The following LEMD1 variants were observed in gnomAD, a reference collection of about 807,000 sequenced individuals.
The protein encoded by LEMD1 is LEM domain containing 1.
LEMD1 carries 18 observed loss-of-function variants against 17.4 expected under a neutral mutation model. The ratio of observed to expected loss-of-function variants is 1.04; its 90% CI spans 0.72 to 1.54. The LOEUF (loss-of-function observed/expected upper bound fraction) is 1.54, where lower values mean the gene tolerates loss of function less well. Among genes scored for constraint, LEMD1 ranks in the 40% most tolerant of loss-of-function variants. LEMD1 has a pLI of 0.00. For synonymous variants in LEMD1, 88 were observed against 77.8 expected, an observed-to-expected ratio of 1.13 and a Z score of -0.69; for missense variants, 195 against 210.4, an observed-to-expected ratio of 0.93 and a Z score of 0.45.
chr1:205,430,786 C>T (rs967599189), intron 1 of LEMD1, among the ~76,000 whole-genome samples: 39 of 152,296 alleles, frequency 2.6e-4, no homozygotes, highest in African/African-American at 8.7e-4. Context: ...CTCCAGCCGC[C>T]CTCCCTCCGC....
chr1:205,448,515 G>T lies in LEMD1; in HGVS notation c.-39+1353C>A. The T allele has an allele frequency of 2.5e-6, 1 of 407,798 alleles. No homozygotes were observed. Among genetic ancestry groups the T allele is most frequent in the Non-Finnish European group, 4.9e-6 (1 of 204,290 alleles). The allele number at this position is 407,798 out of a possible 1,614,324, so 25.3% of individuals were successfully genotyped here. ...ACCCACCCACACTGCCTCCCTCCAG[G>T]ACTGGGCCCCCCAGGTTAAATTCTC... On this transcript the variant is annotated intron_variant, in intron 1 of 3. Transcript: ENST00000367154. The surrounding 1 kb of genome is among the most constrained non-coding windows in gnomAD (Gnocchi z 4.7).
At chr1:205,399,938 G>C (rs1237091169) in intron 4 of LEMD1, among the ~76,000 whole-genome samples, 2 of 152,232 alleles carry the variant, frequency 1.3e-5, no homozygotes, top group African/African-American at 4.8e-5. Context: ...AGCTGATTCA[G>C]GCAGAGTGCT....
chr1:205,434,215 G>C (rs770258548), intron 1 of LEMD1, among the ~76,000 whole-genome samples: 1 of 151,212 alleles, frequency 6.6e-6, no homozygotes, highest in Admixed American at 6.6e-5. Context: ...TTTTGAGACA[G>C]GGTCTTGCTC....
At chr1:205,432,759 A>G (rs1307385848) in intron 1 of LEMD1, among the ~76,000 whole-genome samples, 1 of 152,242 alleles carries the variant, frequency 6.6e-6, no homozygotes. Context: ...CTGTTATCCC[A>G]GCACTTTGGA....
chr1:205,381,638 T>C lies in LEMD1; in HGVS notation c.*20A>G. 1 of 1,611,062 alleles carries C rather than the reference T, an allele frequency of 6.2e-7. No homozygotes were observed. The highest frequency in any genetic ancestry group is 8.5e-7 in the Non-Finnish European group (1 of 1,177,140). On this transcript the variant is annotated 3_prime_UTR_variant, in exon 6 of 6. Coordinates refer to ENST00000367153, the MANE Select transcript of LEMD1 (RefSeq NM_001199050.2). ...GAAGCAGGAGGCCTCGCTTGGAGCA[T>C]TGCTTTGCTCCTAAATTACTTAACC...
intron 4 of LEMD1, among the ~76,000 whole-genome samples, chr1:205,389,830 C>A (rs142304337): frequency 6.6e-6 from 1 of 152,140 alleles, no homozygotes; most frequent in African/African-American, 2.4e-5. Flanking sequence ...CTCCAAATCC[C>A]TTTATTGACT....
At chr1:205,408,328 TACAC>T (rs34904075) in intron 4 of LEMD1, among the ~76,000 whole-genome samples, 10 of 148,840 alleles carry the variant, frequency 6.7e-5, no homozygotes, top group African/African-American at 1.7e-4. Flanking sequence ...AATGGTAGGG[TACAC>T]ACACACACAC....
chr1:205,417,351 T>A (rs935348826), intron 3 of LEMD1, among the ~76,000 whole-genome samples: 2 of 152,198 alleles, frequency 1.3e-5, no homozygotes, highest in African/African-American at 2.4e-5. Flanking sequence ...TGTAGAGGGC[T>A]ACATGCTGGG....
At chr1:205,427,760 G>A (rs967377600) in intron 1 of LEMD1, among the ~76,000 whole-genome samples, 9 of 152,306 alleles carry the variant, frequency 5.9e-5, no homozygotes, top group African/African-American at 2.2e-4. Context: ...GACAGAAAAA[G>A]TAGTAGCATG....
chr1:205,406,691 C>A (rs1001894689), intron 4 of LEMD1, among the ~76,000 whole-genome samples: 1 of 152,196 alleles, frequency 6.6e-6, no homozygotes, highest in East Asian at 1.9e-4. Context: ...TGCTTTGGCT[C>A]GCACATGGTG....
At chr1:205,409,766 G>A (rs1430403565) in intron 4 of LEMD1, among the ~76,000 whole-genome samples, 2 of 130,862 alleles carry the variant, frequency 1.5e-5, no homozygotes, top group South Asian at 2.3e-4. Context: ...ACTATGCCCA[G>A]TTAATTAATT....
rs541879712 is a variant in LEMD1, at chr1:205,393,003, G to A, written c.271-8639C>T. Reference sequence around the variant, plus strand: ...ACATGCTAATAGTCCCAGCTATTCAGGAGGCTGAGGCAGGTGGACTGCTTG... The same window carrying A: ...ACATGCTAATAGTCCCAGCTATTCAAGAGGCTGAGGCAGGTGGACTGCTTG... On this transcript the variant is annotated intron_variant, in intron 4 of 5. Transcript: ENST00000367153. Among the ~76,000 whole-genome samples, 23 of 152,298 alleles carry A rather than the reference G, an allele frequency of 1.5e-4. No individual in the cohort carries two copies. In the South Asian group the frequency reaches 4.6e-3, roughly 30 times the overall value.
At chr1:205,411,872 A>G (rs1334018196) in intron 4 of LEMD1, among the ~76,000 whole-genome samples, 2 of 152,132 alleles carry the variant, frequency 1.3e-5, no homozygotes, top group Non-Finnish European at 2.9e-5. Flanking sequence ...GGGAGAGGGT[A>G]AAGAAACACC....
chr1:205,425,646 T>C (rs180721190), upstream of LEMD1, among the ~76,000 whole-genome samples: 46 of 151,894 alleles, frequency 3.0e-4, no homozygotes, highest in Admixed American at 2.9e-3. Context: ...GCCGGTGTAG[T>C]GGGGGAAATG....
chr1:205,448,343 A>G lies in LEMD1; in HGVS notation c.-39+1525T>C, dbSNP rs754996889. On this transcript the variant is annotated intron_variant, in intron 1 of 3. Transcript: ENST00000367154. The surrounding 1 kb of genome is among the most constrained non-coding windows in gnomAD (Gnocchi z 4.7). The stretch of plus-strand genomic sequence containing the variant: ...TGTAGCCCATGGCTTTTAGCCCTAC[A>G]TGAGTTTGGGACAGCAATCACATAG... The G allele has an allele frequency of 7.5e-6, 4 of 534,390 alleles. No individual in the cohort carries two copies. The African/African-American group carries it at 7.7e-5, about 10-fold the overall frequency. The allele number at this position is 534,390 out of a possible 1,614,324, so 33.1% of individuals were successfully genotyped here. A position where few individuals can be genotyped will look rare whatever the true frequency, so the allele number is the denominator to read the frequency against.
intron 4 of LEMD1, among the ~76,000 whole-genome samples, chr1:205,411,026 AG>A (rs1363596667): frequency 1.3e-5 from 2 of 149,960 alleles, no homozygotes; most frequent in African/African-American, 2.5e-5. Flanking sequence ...AGAGGAAGGA[AG>A]GAAGGGAAAG....
chr1:205,435,864 C>T (rs947551611), intron 1 of LEMD1: 1 of 152,234 alleles, frequency 6.6e-6, no homozygotes, highest in Non-Finnish European at 1.5e-5. Context: ...CCCTGTTAAA[C>T]AGTTCCCCCT....
chr1:205,424,844 C>T (rs1043275153), upstream of LEMD1, among the ~76,000 whole-genome samples: 6 of 152,174 alleles, frequency 3.9e-5, no homozygotes, highest in Non-Finnish European at 8.8e-5. Flanking sequence ...TTATAAATAG[C>T]TCATGGTATA....
rs370977383 is a variant in LEMD1 at position 205,396,889 on chromosome 1, TGG to T, written c.271-12527_271-12526del. ...AGCAATGATTTATTTTTCAATCTTT[TGG>T]GTGGGAATCCAACTTCTCATTACGT... is the stretch of plus-strand genomic sequence containing the variant. On this transcript the variant is annotated intron_variant, in intron 4 of 5. Transcript: ENST00000367153. Among the ~76,000 whole-genome samples, 13 of 152,362 alleles carry T rather than the reference TGG, an allele frequency of 8.5e-5. No individual in the cohort carries two copies. In the East Asian group the frequency reaches 2.5e-3, roughly 29 times the overall value.
Sources: allele counts gnomAD v4.1 joint callset (sites outside exome capture counted in the v4.1 genomes callset), GRCh38; gene constraint gnomAD v4.1.1; non-coding constraint Gnocchi (gnomAD v3.1); transcripts MANE v1.5; gene names NCBI Gene and HGNC (gene_info 2026-07-23, HGNC 2026-07-21).